GNA12: variants seen among roughly 807,000 people sequenced by gnomAD.
The protein encoded by GNA12 is guanine nucleotide-binding protein subunit alpha-12.
Under a neutral mutation model 26.0 loss-of-function variants are expected in GNA12, and 9 were observed. That is an observed-to-expected ratio of 0.35 (90% CI 0.21 to 0.60). The LOEUF is 0.60. Among genes scored for constraint, GNA12 ranks in the 20% least tolerant of loss-of-function variants. The probability of loss-of-function intolerance (pLI) is 0.78; values close to 1 mark genes in which losing one functional copy is unlikely to be tolerated. For missense variants in GNA12, 405 were observed against 525.8 expected (o/e 0.77, Z 2.25); for synonymous variants, 264 against 219.6 (o/e 1.20, Z -1.79).
chr7:2,805,488 T>A (rs1484142988), intron 1 of GNA12, among the ~76,000 whole-genome samples: 3 of 152,158 alleles, frequency 2.0e-5, no homozygotes, highest in Non-Finnish European at 4.4e-5. Context: ...ACTGCAGCCT[T>A]GACCGCGCGG....
intron 2 of GNA12, among the ~76,000 whole-genome samples, chr7:2,753,956 G>A (rs982713090): frequency 2.0e-5 from 3 of 152,198 alleles, no homozygotes; most frequent in South Asian, 4.2e-4. Flanking sequence ...TAGGTCCGGC[G>A]GCGCATCTTA....
At chr7:2,779,301 T>C (rs1213249382) in intron 2 of GNA12, among the ~76,000 whole-genome samples, 8 of 152,252 alleles carry the variant, frequency 5.3e-5, no homozygotes, top group Non-Finnish European at 1.5e-5. Context: ...TGAAACAAGA[T>C]TGCGCCACTA....
At chr7:2,751,954 C>G (rs188287408) in intron 2 of GNA12, among the ~76,000 whole-genome samples, 28 of 152,258 alleles carry the variant, frequency 1.8e-4, no homozygotes, top group African/African-American at 6.7e-4. Flanking sequence ...CGAACGTGAA[C>G]TTTTTCAGAA....
intron 2 of GNA12, among the ~76,000 whole-genome samples, chr7:2,756,315 C>T (rs932791392): frequency 2.0e-5 from 3 of 152,088 alleles, no homozygotes; most frequent in African/African-American, 7.2e-5. Flanking sequence ...TAACTATGTC[C>T]TATATAAATC....
intron 1 of GNA12, among the ~76,000 whole-genome samples, chr7:2,808,080 G>A (rs528157450): frequency 6.6e-6 from 1 of 152,372 alleles, no homozygotes; most frequent in East Asian, 1.9e-4. Context: ...TCTATGGACT[G>A]CATGGGTAAC....
chr7:2,807,430 AAGG>A (rs1792975990), intron 1 of GNA12, among the ~76,000 whole-genome samples: 1 of 152,204 alleles, frequency 6.6e-6, no homozygotes, highest in South Asian at 2.1e-4. Context: ...ACGTTTCATG[AAGG>A]TATAAAGAAC....
chr7:2,754,984 T>A (rs138804023), intron 2 of GNA12, among the ~76,000 whole-genome samples: 33 of 152,308 alleles, frequency 2.2e-4, no homozygotes, highest in Middle Eastern at 3.4e-3. Context: ...TAGGTCAAGG[T>A]TCACTTTTTC....
intron 1 of GNA12, among the ~76,000 whole-genome samples, chr7:2,795,955 G>C (rs1792659338): frequency 1.3e-5 from 2 of 151,802 alleles, no homozygotes; most frequent in African/African-American, 4.8e-5. Flanking sequence ...TAAGTAGCTA[G>C]GATTACAGGT....
At chr7:2,735,068 C>CA (rs1790096589) in intron 2 of GNA12, among the ~76,000 whole-genome samples, 1 of 152,128 alleles carries the variant, frequency 6.6e-6, no homozygotes, top group South Asian at 2.1e-4. Flanking sequence ...TGCCTCCTTC[C>CA]ACACCCTGAC....
At chr7:2,736,409 G>C (rs1351766367) in intron 2 of GNA12, among the ~76,000 whole-genome samples, 1 of 151,038 alleles carries the variant, frequency 6.6e-6, no homozygotes, top group Non-Finnish European at 1.5e-5. Flanking sequence ...GCTGGGGCCA[G>C]CGGCCACTGA....
intron 2 of GNA12, among the ~76,000 whole-genome samples, chr7:2,791,949 A>G (rs767315974): frequency 6.6e-6 from 1 of 152,196 alleles, no homozygotes; most frequent in Non-Finnish European, 1.5e-5. Context: ...AGAATTTCAC[A>G]TCATCATCTC....
At chr7:2,797,777 T>C (rs979090203) in intron 1 of GNA12, among the ~76,000 whole-genome samples, 7 of 152,180 alleles carry the variant, frequency 4.6e-5, no homozygotes, top group Admixed American at 1.3e-4. Flanking sequence ...CCTCAGGACC[T>C]TGTCTGTCTG....
chr7:2,811,962 A>T (rs1365532225), intron 1 of GNA12, among the ~76,000 whole-genome samples: 1 of 152,218 alleles, frequency 6.6e-6, no homozygotes, highest in Non-Finnish European at 1.5e-5. Flanking sequence ...CGCACAGAGC[A>T]GCGCTTATTT....
chr7:2,764,159 C>T (rs1368347916), intron 2 of GNA12, among the ~76,000 whole-genome samples: 11 of 152,014 alleles, frequency 7.2e-5, no homozygotes, highest in South Asian at 2.1e-4. Flanking sequence ...CAGCCTCAAA[C>T]TGAAGTGGGC....
chr7:2,794,283 T>G (rs1464327129), intron 2 of GNA12, among the ~76,000 whole-genome samples: 1 of 152,176 alleles, frequency 6.6e-6, no homozygotes, highest in African/African-American at 2.4e-5. Flanking sequence ...CTGGATACCC[T>G]GGGTGTGTAT....
At chr7:2,742,084 C>A (rs1397385539) in intron 2 of GNA12, among the ~76,000 whole-genome samples, 1 of 151,762 alleles carries the variant, frequency 6.6e-6, no homozygotes, top group Non-Finnish European at 1.5e-5. Flanking sequence ...TGCAGTGGGG[C>A]GATCTCAGCT....
intron 2 of GNA12, among the ~76,000 whole-genome samples, chr7:2,784,704 G>A (rs992130702): frequency 1.3e-5 from 2 of 151,896 alleles, no homozygotes; most frequent in Admixed American, 1.3e-4. Context: ...TCTTTCCTTC[G>A]CTTTCTCCTG....
intron 1 of GNA12, among the ~76,000 whole-genome samples, chr7:2,842,201 A>G (rs531063005): frequency 7.5e-4 from 114 of 152,238 alleles, no homozygotes; most frequent in African/African-American, 2.3e-3. Context: ...ATCTAGGTGT[A>G]AGCAAGGCTG....
intron 1 of GNA12, among the ~76,000 whole-genome samples, chr7:2,840,723 ACCTACAGT>A (rs1253868047): frequency 6.6e-6 from 1 of 152,116 alleles, no homozygotes. Context: ...GGTGGTACAC[ACCTACAGT>A]CCCAGCTACT....
Sources: gnomAD v4.1 joint callset for allele counts (sites outside exome capture counted in the v4.1 genomes callset) on GRCh38, gnomAD v4.1.1 for gene constraint, MANE v1.5 for transcripts, NCBI Gene and HGNC (gene_info 2026-07-23, HGNC 2026-07-21) for gene names.